Variants in AKAP9 observed in about 807,000 individuals in gnomAD.
AKAP9 encodes the protein A-kinase anchor protein 9.
AKAP9 carries 311 observed loss-of-function variants against 488.5 expected under a neutral mutation model. That is an observed-to-expected ratio of 0.64 (90% confidence interval 0.58 to 0.70). The LOEUF is 0.70. Among genes scored for constraint, AKAP9 ranks in the 30% least tolerant of loss-of-function variants. The probability of loss-of-function intolerance (pLI) is 0.00; values close to 1 mark genes in which losing one functional copy is unlikely to be tolerated. For missense variants in AKAP9, 4,215 were observed against 4,374.5 expected (o/e 0.96, Z 1.03); for synonymous variants, 1,462 against 1,483.5 (o/e 0.99, Z 0.33).
intron 14 of AKAP9, among the ~76,000 whole-genome samples, chr7:92,028,169 T>A (rs1304462220): frequency 4.1e-4 from 62 of 149,860 alleles, no homozygotes; most frequent in Admixed American, 2.6e-3. Flanking sequence ...GGCCGCAGGG[T>A]CCTCTGCCTA....
chr7:92,028,421 T>C (rs949894041), intron 14 of AKAP9, among the ~76,000 whole-genome samples: 1 of 147,744 alleles, frequency 6.8e-6, no homozygotes. Context: ...GAAAGTAAGA[T>C]CCAGGACATA....
chr7:92,001,279 A>G lies in AKAP9; in HGVS notation c.1362A>G (p.Arg454=). 6.2e-7 allele frequency: 1 copy of G among 1,614,018 alleles called. No individual in the cohort carries two copies. The highest frequency in any genetic ancestry group is 8.5e-7 in the Non-Finnish European group (1 of 1,179,912). The change falls in exon 8 of 50, where the codon AGA becomes AGG. Residue 454 remains arginine (R), a synonymous_variant. Coordinates refer to ENST00000356239, the MANE Select transcript of AKAP9 (RefSeq NM_005751.5). ...TGCAAATGAAACAAGAATTAATAAGACAACACATGGCACAGATGGAGGAAA... is the reference window on the plus strand; with the variant it reads ...TGCAAATGAAACAAGAATTAATAAGGCAACACATGGCACAGATGGAGGAAA... The part of the protein sequence containing the change: ...QIVQMKQELI[R]QHMAQMEEMK...
At chr7:91,981,649 G>A (rs1290819052) in intron 3 of AKAP9, among the ~76,000 whole-genome samples, 3 of 127,446 alleles carry the variant, frequency 2.4e-5, no homozygotes, top group Non-Finnish European at 4.7e-5. Flanking sequence ...TCACTCTGTT[G>A]CCCAGACTGG....
chr7:91,995,571 T>C, intron 6 of AKAP9, 32 bp from the exon 7 acceptor site: 1 of 1,601,920 alleles, frequency 6.2e-7, no homozygotes, highest in Middle Eastern at 1.7e-4. Flanking sequence ...CACTTCAGAA[T>C]TTAACGTTTT....
chr7:91,961,124 C>T (rs766260100), intron 1 of AKAP9, among the ~76,000 whole-genome samples: 8 of 152,028 alleles, frequency 5.3e-5, no homozygotes, highest in Non-Finnish European at 1.0e-4. Flanking sequence ...TGAAGAGATT[C>T]CAAATAGTTG....
intron 8 of AKAP9, among the ~76,000 whole-genome samples, chr7:92,010,589 G>C (rs1800598029): frequency 6.6e-6 from 1 of 152,148 alleles, no homozygotes; most frequent in Admixed American, 6.5e-5. Flanking sequence ...AAACTCCTGG[G>C]CTCAAGCAGT....
At chr7:91,960,556 C>A (rs899877020) in intron 1 of AKAP9, among the ~76,000 whole-genome samples, 1 of 152,166 alleles carries the variant, frequency 6.6e-6, no homozygotes, top group African/African-American at 2.4e-5. Context: ...TCTCCCCACA[C>A]GACCCCATTT....
intron 21 of AKAP9, among the ~76,000 whole-genome samples, chr7:92,047,353 A>T (rs549819580): frequency 6.6e-6 from 1 of 152,144 alleles, no homozygotes; most frequent in South Asian, 2.1e-4. Context: ...AGTAGCTGGG[A>T]TTACAGGTGC....
chr7:92,102,062 A>G, intron 45 of AKAP9, among the ~76,000 whole-genome samples: 1 of 152,018 alleles, frequency 6.6e-6, no homozygotes. Flanking sequence ...AGGCTGAGGC[A>G]GGAGAATTGC....
At chr7:91,994,116 G>A (rs997785345) in intron 5 of AKAP9, among the ~76,000 whole-genome samples, 4 of 152,118 alleles carry the variant, frequency 2.6e-5, no homozygotes, top group African/African-American at 7.2e-5. Flanking sequence ...ACAACAGAGC[G>A]AGACCCTGTC....
At chr7:92,083,007 A>G (rs1813854981) in intron 32 of AKAP9, among the ~76,000 whole-genome samples, 163 bp from the exon 33 acceptor site, 1 of 152,212 alleles carries the variant, frequency 6.6e-6, no homozygotes, top group South Asian at 2.1e-4. Flanking sequence ...ACATACAAAT[A>G]TATATATGTA....
intron 3 of AKAP9, among the ~76,000 whole-genome samples, chr7:91,986,820 A>G (rs1797150209): frequency 6.6e-6 from 1 of 152,024 alleles, no homozygotes; most frequent in African/African-American, 2.4e-5. Context: ...TTAGAACAGT[A>G]TTTATCATAC....
At chr7:92,046,983 G>T (rs1413433255) in intron 21 of AKAP9, among the ~76,000 whole-genome samples, 2 of 152,246 alleles carry the variant, frequency 1.3e-5, no homozygotes, top group Non-Finnish European at 1.5e-5. Context: ...AAAGTATTCA[G>T]CAGACAACAT....
intron 3 of AKAP9, among the ~76,000 whole-genome samples, chr7:91,990,517 A>G (rs1428520137): frequency 1.3e-5 from 2 of 152,162 alleles, no homozygotes; most frequent in African/African-American, 4.8e-5. Context: ...TATAACATAA[A>G]TATGTTTTGA....
chr7:91,953,621 C>T (rs1792560820), intron 1 of AKAP9, among the ~76,000 whole-genome samples: 1 of 152,152 alleles, frequency 6.6e-6, no homozygotes. Flanking sequence ...CAGTCATTAT[C>T]ATCATTATCG....
intron 45 of AKAP9, 155 bp from the exon 46 acceptor site, chr7:92,102,439 G>A (rs887531459): frequency 4.4e-5 from 26 of 591,886 alleles, no homozygotes; most frequent in Admixed American, 7.1e-5. Context: ...GGAACCTGCC[G>A]TTTTACTATT....
In AKAP9 at chr7:92,066,651, A is replaced by G; in HGVS notation, c.6330+105A>G. The G allele has an allele frequency of 2.2e-6, 3 of 1,371,214 alleles. No individual in the cohort carries two copies. In the South Asian group the frequency reaches 3.7e-5, roughly 17 times the overall value. The allele number at this position is 1,371,214 out of a possible 1,614,324, so 84.9% of individuals were successfully genotyped here. On this transcript the variant is annotated intron_variant, in intron 26 of 49. Coordinates refer to ENST00000356239, the MANE Select transcript of AKAP9 (RefSeq NM_005751.5). The stretch of plus-strand genomic sequence containing the variant: ...AAAGTGGATTCTTTCCTTTGTATGT[A>G]AATCTTCAAAATCAGAAAACTTAAT...
chr7:92,082,512 T>G lies in AKAP9; in HGVS notation c.8020-10T>G, dbSNP rs746497852. On this transcript the variant is annotated splice_polypyrimidine_tract_variant and intron_variant, in intron 31 of 49. Coordinates refer to ENST00000356239, the MANE Select transcript of AKAP9 (RefSeq NM_005751.5). ...AATTATGTGTTTCTTGTGTTTCCGC[T>G]GTCATTCAGACAACTACTGAGCTAT... 1 of 1,613,296 alleles carries G rather than the reference T, an allele frequency of 6.2e-7. No homozygotes were observed. Among genetic ancestry groups the G allele is most frequent in the South Asian group, 1.1e-5 (1 of 91,048 alleles).
At chr7:92,013,713 T>G (rs1292803889) in intron 9 of AKAP9, among the ~76,000 whole-genome samples, 1 of 152,174 alleles carries the variant, frequency 6.6e-6, no homozygotes, top group Non-Finnish European at 1.5e-5. Context: ...TACCAAACTT[T>G]TAAATTTCAG....
Sources: gnomAD v4.1 joint callset for allele counts (sites outside exome capture counted in the v4.1 genomes callset) on GRCh38, gnomAD v4.1.1 for gene constraint, MANE v1.5 for transcripts, NCBI Gene and HGNC (gene_info 2026-07-23, HGNC 2026-07-21) for gene names.